The following PDZD2 variants were observed in gnomAD, a reference collection of about 807,000 sequenced individuals.
The protein encoded by PDZD2 is PDZ domain containing 2, also known as PDZ domain-containing protein 2.
Under a neutral mutation model 220.7 loss-of-function variants are expected in PDZD2, and 90 were observed. The observed-to-expected ratio is 0.41, with a 90% CI of 0.34 to 0.49. The LOEUF (loss-of-function observed/expected upper bound fraction) is 0.49. PDZD2 is among the 20% of genes least tolerant of loss of function. The probability of loss-of-function intolerance (pLI) is 0.28; values close to 1 mark genes in which losing one functional copy is unlikely to be tolerated. For missense variants in PDZD2, 3,174 were observed against 3,608.5 expected (o/e 0.88, Z 3.08); for synonymous variants, 1,375 against 1,450.5 (o/e 0.95, Z 1.18).
chr5:31,650,909 G>A (rs1745326651), intron 1 of PDZD2, among the ~76,000 whole-genome samples: 2 of 152,158 alleles, frequency 1.3e-5, no homozygotes, highest in South Asian at 4.1e-4. Context: ...GGCTATTAGC[G>A]AGAACCTCTC....
intron 2 of PDZD2, among the ~76,000 whole-genome samples, chr5:31,965,357 G>A (rs891233379): frequency 6.6e-6 from 1 of 152,174 alleles, no homozygotes; most frequent in Admixed American, 6.5e-5. Flanking sequence ...TGTCATTCAT[G>A]TAACCTGCAA....
intron 2 of PDZD2, among the ~76,000 whole-genome samples, chr5:31,946,283 G>C (rs778424027): frequency 2.6e-5 from 4 of 152,178 alleles, no homozygotes; most frequent in African/African-American, 9.7e-5. Flanking sequence ...GATTATAGAC[G>C]TGAGTCACTG....
At chr5:31,948,906 C>T (rs754205993) in intron 2 of PDZD2, among the ~76,000 whole-genome samples, 7 of 151,914 alleles carry the variant, frequency 4.6e-5, no homozygotes, top group Non-Finnish European at 1.0e-4. Context: ...GAAGACCAGC[C>T]TGGCCAACAT....
At chr5:31,822,902 T>C (rs1398031122) in intron 2 of PDZD2, 2 of 856,696 alleles carry the variant, frequency 2.3e-6, no homozygotes, top group Non-Finnish European at 3.8e-6. Flanking sequence ...TTGATCATGT[T>C]CTGTGCATAA....
At chr5:32,007,016 C>T (rs1031622242) in intron 5 of PDZD2, among the ~76,000 whole-genome samples, 12 of 141,650 alleles carry the variant, frequency 8.5e-5, no homozygotes, top group Admixed American at 2.3e-4. Flanking sequence ...CCCAGGCTTA[C>T]GCCATTCTCC....
intron 2 of PDZD2, among the ~76,000 whole-genome samples, chr5:31,972,027 C>G (rs558534299): frequency 4.6e-5 from 7 of 152,308 alleles, no homozygotes. Context: ...AGTCTTTATT[C>G]AATGTATTCT....
At chr5:31,927,718 G>A (rs1308950460) in intron 2 of PDZD2, among the ~76,000 whole-genome samples, 5 of 152,040 alleles carry the variant, frequency 3.3e-5, no homozygotes, top group African/African-American at 1.2e-4. Context: ...CTCCTTGCCC[G>A]AAGTGACTGG....
At chr5:31,652,134 G>GTT (rs775664005) in intron 1 of PDZD2, among the ~76,000 whole-genome samples, 1,404 of 111,850 alleles carry the variant, frequency 0.013, 10 homozygotes, top group Middle Eastern at 0.062. Context: ...TCTGGCCTGG[G>GTT]TTTTTTTTTG....
intron 1 of PDZD2, among the ~76,000 whole-genome samples, chr5:31,665,608 A>G (rs1402672580): frequency 6.6e-6 from 1 of 150,536 alleles, no homozygotes; most frequent in Non-Finnish European, 1.5e-5. Context: ...AGTTCTCATG[A>G]GATCCGATGG....
At chr5:31,926,077 C>T (rs1344975886) in intron 2 of PDZD2, among the ~76,000 whole-genome samples, 2 of 151,978 alleles carry the variant, frequency 1.3e-5, no homozygotes, top group African/African-American at 4.8e-5. Flanking sequence ...AAAAAATTAG[C>T]CAGGCATAGT....
intron 1 of PDZD2, among the ~76,000 whole-genome samples, chr5:31,752,746 C>A (rs1561432291): frequency 6.6e-6 from 1 of 152,138 alleles, no homozygotes; most frequent in Non-Finnish European, 1.5e-5. Context: ...TTCTTATTTA[C>A]TTGTCAAGAT....
chr5:31,999,812 C>T (rs1243357742), intron 4 of PDZD2, among the ~76,000 whole-genome samples: 1 of 152,152 alleles, frequency 6.6e-6, no homozygotes, highest in Non-Finnish European at 1.5e-5. Context: ...ACGAATGACT[C>T]GACTCTCCTC....
chr5:32,059,737 A>C (rs1440393487), intron 13 of PDZD2, among the ~76,000 whole-genome samples: 2 of 152,228 alleles, frequency 1.3e-5, no homozygotes, highest in African/African-American at 4.8e-5. Flanking sequence ...GTTCAGAATC[A>C]CTTGATGCCA....
intron 1 of PDZD2, among the ~76,000 whole-genome samples, chr5:31,782,546 C>T (rs1348462472): frequency 6.6e-6 from 1 of 151,820 alleles, no homozygotes; most frequent in Non-Finnish European, 1.5e-5. Flanking sequence ...CATGTTATAC[C>T]AGTTACCCAA....
At chr5:32,041,103 G>A (rs1306647517) in intron 7 of PDZD2, among the ~76,000 whole-genome samples, 4 of 147,144 alleles carry the variant, frequency 2.7e-5, no homozygotes, top group Non-Finnish European at 6.0e-5. Flanking sequence ...TCTAGGAAGC[G>A]GGGAGCGCCT....
At chr5:31,667,930 C>T (rs1179846606) in intron 1 of PDZD2, among the ~76,000 whole-genome samples, 7 of 121,424 alleles carry the variant, frequency 5.8e-5, no homozygotes, top group Non-Finnish European at 1.1e-4. Context: ...GGCGTGATTT[C>T]GGCTCACTGC....
intron 1 of PDZD2, among the ~76,000 whole-genome samples, chr5:31,644,199 C>G (rs923667011): frequency 5.3e-5 from 8 of 152,152 alleles, no homozygotes; most frequent in Non-Finnish European, 7.3e-5. Context: ...ACCGGATGGT[C>G]TATGTCTAGA....
chr5:31,900,527 A>G (rs1741996390), intron 2 of PDZD2, among the ~76,000 whole-genome samples: 1 of 152,086 alleles, frequency 6.6e-6, no homozygotes, highest in South Asian at 2.1e-4. Flanking sequence ...GGTCATGTCA[A>G]AGGCTCCTGC....
chr5:32,014,000 A>G (rs1031858011), intron 6 of PDZD2, among the ~76,000 whole-genome samples: 3 of 152,220 alleles, frequency 2.0e-5, no homozygotes, highest in Non-Finnish European at 4.4e-5. Flanking sequence ...TTCACAGTCT[A>G]CCAGGGTCGG....
Sources: allele counts gnomAD v4.1 joint callset (sites outside exome capture counted in the v4.1 genomes callset), GRCh38; gene constraint gnomAD v4.1.1; transcripts MANE v1.5; gene names NCBI Gene and HGNC (gene_info 2026-07-23, HGNC 2026-07-21).